The following IFT81 variants were observed in gnomAD, a reference collection of about 807,000 sequenced individuals.
IFT81 encodes the protein intraflagellar transport protein 81 homolog.
IFT81 carries 72 observed loss-of-function variants against 102.6 expected under a neutral mutation model. The observed-to-expected ratio is 0.70, with a 90% CI of 0.58 to 0.85. The LOEUF (loss-of-function observed/expected upper bound fraction) is 0.85. Among genes scored for constraint, IFT81 ranks in the 40% least tolerant of loss-of-function variants. The probability of loss-of-function intolerance (pLI) is 0.00; values close to 1 mark genes in which losing one functional copy is unlikely to be tolerated. For synonymous variants in IFT81, 237 were observed against 242.7 expected (o/e 0.98, Z 0.22); for missense variants, 723 against 787.3 (o/e 0.92, Z 0.98).
intron 14 of IFT81, among the ~76,000 whole-genome samples, chr12:110,202,219 A>G (rs1338449607): frequency 6.6e-6 from 1 of 152,158 alleles, no homozygotes; most frequent in Non-Finnish European, 1.5e-5. Flanking sequence ...CAGCTCCATT[A>G]TAATCATATG....
intron 14 of IFT81, among the ~76,000 whole-genome samples, chr12:110,197,248 G>GTAGGTAGA (rs1382492770): frequency 1.0e-3 from 149 of 147,038 alleles, no homozygotes; most frequent in Admixed American, 2.6e-3. Context: ...AGGTAGGTAG[G>GTAGGTAGA]TAGATAGATA....
At chr12:110,204,196 C>T (rs1387719760) in intron 15 of IFT81, 3 of 373,128 alleles carry the variant, frequency 8.0e-6, no homozygotes, top group Non-Finnish European at 9.8e-6. Context: ...AAAAGATTCC[C>T]AAATCTTTAT....
rs11349893 is a variant in IFT81, at chr12:110,132,970, C to CTT, written c.519+351_519+352dup. On this transcript the variant is annotated intron_variant, in intron 5 of 18. Coordinates refer to ENST00000242591, the MANE Select transcript of IFT81 (RefSeq NM_014055.4). ...TCATTATTACTAAAGCTTTCTCTCTCTTTTTTTTTTTTTTTTTTGAGACAG... is the reference window on the plus strand; with the variant it reads ...TCATTATTACTAAAGCTTTCTCTCTCTTTTTTTTTTTTTTTTTTTTGAGACAG... Among the ~76,000 whole-genome samples, 277 of 124,900 alleles carry CTT rather than the reference C, an allele frequency of 2.2e-3. 1 individual carries two copies. Among genetic ancestry groups the CTT allele is most frequent in the African/African-American group, 6.0e-3 (188 of 31,286 alleles). 81.9% of individuals were successfully genotyped at this position (124,900 alleles called of 152,430 possible).
At chr12:110,145,692 C>T (rs1351313648) in intron 9 of IFT81, among the ~76,000 whole-genome samples, 1 of 152,012 alleles carries the variant, frequency 6.6e-6, no homozygotes, top group Non-Finnish European at 1.5e-5. Context: ...ACCTCAGCCT[C>T]CCAAAGTGCT....
chr12:110,213,258 T>C (rs1362686533), intron 18 of IFT81, among the ~76,000 whole-genome samples: 3 of 152,120 alleles, frequency 2.0e-5, no homozygotes, highest in Non-Finnish European at 4.4e-5. Context: ...CCCCATTACA[T>C]CATTTTTTCC....
At chr12:110,199,409 TA>T (rs762669450) in intron 14 of IFT81, among the ~76,000 whole-genome samples, 24 of 152,154 alleles carry the variant, frequency 1.6e-4, no homozygotes, top group Non-Finnish European at 2.9e-4. Flanking sequence ...AACTTGGAGC[TA>T]ATATTGAGTT....
intron 12 of IFT81, among the ~76,000 whole-genome samples, chr12:110,184,770 A>C (rs1238518265): frequency 6.6e-6 from 1 of 152,204 alleles, no homozygotes; most frequent in Non-Finnish European, 1.5e-5. Flanking sequence ...GTCACCTATT[A>C]GAGGAGTCCC....
chr12:110,128,234 AT>A, intron 3 of IFT81, 85 bp downstream of exon 3: 1 of 805,864 alleles, frequency 1.2e-6, no homozygotes, highest in Admixed American at 2.1e-5. Context: ...TTTGTAGGTA[AT>A]ACCTGGTTTC....
chr12:110,165,493 G>A (rs975471352), intron 11 of IFT81, among the ~76,000 whole-genome samples: 3 of 152,156 alleles, frequency 2.0e-5, no homozygotes, highest in African/African-American at 7.2e-5. Context: ...TGGTGAGAAG[G>A]TATTGATAAT....
At chr12:110,176,157 G>T (rs564992569) in intron 11 of IFT81, among the ~76,000 whole-genome samples, 81 of 151,976 alleles carry the variant, frequency 5.3e-4, no homozygotes, top group African/African-American at 1.8e-3. Flanking sequence ...TGGCCATTCA[G>T]CCTGTTGACC....
In IFT81 at chr12:110,180,429, G is replaced by T. The variant is rs748795308; in HGVS notation, c.1196G>T (p.Arg399Leu). The T allele has an allele frequency of 5.6e-6, 9 of 1,595,294 alleles. No homozygotes were observed. The Admixed American group carries it at 1.4e-4, about 24-fold the overall frequency. The change falls in exon 12 of 19, where the codon CGA becomes CTA. Residue 399 changes from arginine to leucine, a missense_variant. Physicochemically the swap from Arg to Leu is moderately radical, Grantham distance 102. Coordinates refer to ENST00000242591, the MANE Select transcript of IFT81 (RefSeq NM_014055.4). ...ATTGTGTTTTTTTTACAGTTCAAAC[G>T]ATATGTCAATAAACTTCGAAGCAAG... is the stretch of plus-strand genomic sequence containing the variant. ...TEVLKGDEFK[R>L]YVNKLRSKST...
At chr12:110,216,502 T>A (rs780848333) in intron 18 of IFT81, 7 of 452,050 alleles carry the variant, frequency 1.5e-5, no homozygotes, top group South Asian at 1.1e-4. Flanking sequence ...GCCCCCAGCC[T>A]CCTATTATTC....
intron 1 of IFT81, among the ~76,000 whole-genome samples, chr12:110,126,449 G>C (rs1893847889): frequency 6.6e-6 from 1 of 152,050 alleles, no homozygotes; most frequent in Non-Finnish European, 1.5e-5. Context: ...TTGAAAGATG[G>C]TTGGGGGGGT....
At chr12:110,180,949 A>G (rs1897297802) in intron 12 of IFT81, among the ~76,000 whole-genome samples, 1 of 152,256 alleles carries the variant, frequency 6.6e-6, no homozygotes, top group Non-Finnish European at 1.5e-5. Flanking sequence ...AGAAATATCC[A>G]GGGAAGTGCT....
chr12:110,139,107 G>A (rs1206208658), intron 8 of IFT81, among the ~76,000 whole-genome samples: 1 of 151,936 alleles, frequency 6.6e-6, no homozygotes, highest in Non-Finnish European at 1.5e-5. Context: ...AGGCAAAGGC[G>A]AGCAGATCAC....
Position 110,203,900 on chromosome 12 carries a change from T to C in IFT81, c.1594T>C (p.Tyr532His). Residue 532 changes from tyrosine to histidine, a missense_variant, in exon 15 of 19, where the codon TAT becomes CAT. Transcript: ENST00000242591. ...GGAGTGTGATGAAAAGAAATCCCAG[T>C]ATGATAGCTGTGCAGCAGGCCTCGA... The part of the protein sequence containing the change: ...TQECDEKKSQ[Y>H]DSCAAGLESN... 1 of 1,613,724 alleles carries C rather than the reference T, an allele frequency of 6.2e-7. No homozygotes were observed. The highest frequency in any genetic ancestry group is 8.5e-7 in the Non-Finnish European group (1 of 1,179,614).
intron 7 of IFT81, among the ~76,000 whole-genome samples, chr12:110,136,424 G>A (rs890332346): frequency 6.6e-6 from 1 of 152,224 alleles, no homozygotes; most frequent in Admixed American, 6.5e-5. Flanking sequence ...GCGTTGGTTT[G>A]TGATTCTGAA....
chr12:110,192,545 A>G, intron 13 of IFT81, 72 bp from the exon 14 acceptor site: 1 of 772,134 alleles, frequency 1.3e-6, no homozygotes, highest in Middle Eastern at 3.8e-4. Context: ...TGAAATTAAT[A>G]TCTTTATGCA....
intron 4 of IFT81, among the ~76,000 whole-genome samples, chr12:110,130,780 A>G (rs1324202139): frequency 6.6e-6 from 1 of 151,912 alleles, no homozygotes; most frequent in African/African-American, 2.4e-5. Flanking sequence ...ATATATGTAT[A>G]TACATATACA....
Sources: allele counts gnomAD v4.1 joint callset (sites outside exome capture counted in the v4.1 genomes callset), GRCh38; gene constraint gnomAD v4.1.1; transcripts MANE v1.5; gene names NCBI Gene and HGNC (gene_info 2026-07-23, HGNC 2026-07-21).